The following ASIC5 variants were observed in gnomAD, a reference collection of about 807,000 sequenced individuals.
The protein encoded by ASIC5 is acid sensing ion channel subunit family member 5.
In ASIC5, 52 loss-of-function variants were observed where a neutral mutation model predicts 51.2. The observed-to-expected ratio is 1.02, with a 90% CI of 0.81 to 1.28. The LOEUF is 1.28. Among genes scored for constraint, ASIC5 ranks in the 50% most tolerant of loss-of-function variants. The pLI, the probability that ASIC5 is intolerant of heterozygous loss-of-function variation, is 0.00. For synonymous variants in ASIC5, 231 were observed against 200.7 expected (o/e 1.15, Z -1.28); for missense variants, 635 against 595.0 (o/e 1.07, Z -0.70).
chr4:155,865,801 C>T (rs1741847753), intron 1 of ASIC5, among the ~76,000 whole-genome samples: 1 of 152,082 alleles, frequency 6.6e-6, no homozygotes, highest in Non-Finnish European at 1.5e-5. Flanking sequence ...GGAGTATATA[C>T]AGTGTCATTA....
At position 155,852,136 on chromosome 4, in the gene ASIC5, T is replaced by G. The variant is rs926729773; in HGVS notation, c.711+55A>C. The G allele has an allele frequency of 2.5e-6, 4 of 1,599,512 alleles. No homozygotes were observed. In the African/African-American group the frequency reaches 5.4e-5, roughly 22 times the overall value. ...GATATGGCCCAATAGTCTGATCAAG[T>G]TTTTGAAACCCCCACACATTCTCGT... On this transcript the variant is annotated intron_variant, in intron 4 of 9. Transcript: ENST00000537611.
intron 2 of ASIC5, among the ~76,000 whole-genome samples, chr4:155,860,655 A>T (rs947817146): frequency 4.5e-4 from 69 of 152,000 alleles, no homozygotes; most frequent in African/African-American, 1.5e-3. Flanking sequence ...CTGTTCTATC[A>T]TTATAGCCTC....
Position 155,831,911 on chromosome 4 carries a change from T to A in ASIC5, c.1240A>T (p.Asn414Tyr), listed in dbSNP as rs1358473976. The part of the protein sequence containing the change: ...LNQSRKYIRE[N>Y]LVKIEINYSD... ...TAGTTAATTTCAATTTTTACAAGAT[T>A]CTCCCTAGGGATAAAAAAGAGAGTT... Residue 414 changes from asparagine (N) to tyrosine (Y), a missense_variant, in exon 9 of 10, where the codon AAT becomes TAT. Transcript: ENST00000537611. 2 of 1,530,600 alleles carry A rather than the reference T, an allele frequency of 1.3e-6. No individual in the cohort carries two copies. Among genetic ancestry groups the A allele is most frequent in the Non-Finnish European group, 1.8e-6 (2 of 1,107,358 alleles). 94.8% of individuals were successfully genotyped at this position (1,530,600 alleles called of 1,614,324 possible).
chr4:155,841,066 C>T (rs72974479), intron 6 of ASIC5, among the ~76,000 whole-genome samples: 15,326 of 152,110 alleles, frequency 0.1, 1,250 homozygotes, highest in African/African-American at 0.22. Context: ...AAACTCTTAT[C>T]TCCGAATACT....
intron 7 of ASIC5, among the ~76,000 whole-genome samples, chr4:155,837,969 C>A (rs1477621833): frequency 6.6e-6 from 1 of 152,108 alleles, no homozygotes. Flanking sequence ...CTGAAGAAAT[C>A]TGGCAACATC....
chr4:155,845,748 A>G (rs1741225638), intron 4 of ASIC5, among the ~76,000 whole-genome samples: 1 of 152,064 alleles, frequency 6.6e-6, no homozygotes, highest in African/African-American at 2.4e-5. Flanking sequence ...GGCTCAAAGA[A>G]AAATAAAAGC....
intron 4 of ASIC5, 106 bp downstream of exon 4, chr4:155,852,085 T>A: frequency 7.9e-7 from 1 of 1,272,918 alleles, no homozygotes; most frequent in Non-Finnish European, 1.1e-6. Context: ...AAAACTGAAA[T>A]AATATCCAAT....
At chr4:155,866,158 C>G in intron 1 of ASIC5, 29 bp downstream of exon 1, 1 of 1,441,422 alleles carries the variant, frequency 6.9e-7, no homozygotes, top group Non-Finnish European at 9.6e-7. Flanking sequence ...AAAAATATTA[C>G]TGCTCTGAGG....
intron 7 of ASIC5, 116 bp downstream of exon 7, chr4:155,838,697 C>T (rs978084837): frequency 4.9e-6 from 3 of 617,660 alleles, no homozygotes; most frequent in African/African-American, 3.8e-5. Context: ...AAGATCTTCT[C>T]TTATATACTA....
intron 2 of ASIC5, among the ~76,000 whole-genome samples, chr4:155,860,263 T>A (rs946624199): frequency 6.6e-6 from 1 of 151,834 alleles, no homozygotes; most frequent in African/African-American, 2.4e-5. Context: ...ATAATACTTA[T>A]GTTTGTGATA....
chr4:155,852,114 A>C, intron 4 of ASIC5, 77 bp downstream of exon 4: 9 of 1,452,982 alleles, frequency 6.2e-6, no homozygotes, highest in African/African-American at 1.4e-5. Flanking sequence ...ACTATCTGAT[A>C]TGGCCCAATA....
chr4:155,851,781 T>C (rs1741386623), intron 4 of ASIC5, among the ~76,000 whole-genome samples: 1 of 152,042 alleles, frequency 6.6e-6, no homozygotes, highest in Admixed American at 6.6e-5. Context: ...TTTCCAGATA[T>C]GCATTCTATA....
intron 8 of ASIC5, among the ~76,000 whole-genome samples, chr4:155,834,661 G>GC (rs1360223198): frequency 2.0e-5 from 3 of 152,062 alleles, no homozygotes; most frequent in Non-Finnish European, 4.4e-5. Flanking sequence ...CGGTTCCCTG[G>GC]CAAAGGCCCA....
Position 155,836,702 on chromosome 4 carries a change from G to C in ASIC5, c.1222C>G (p.Arg408Gly), listed in dbSNP as rs143910392. 3.3e-5 allele frequency: 53 copies of C among 1,605,950 alleles called. No individual in the cohort carries two copies. The highest frequency in any genetic ancestry group is 4.5e-5 in the Non-Finnish European group (53 of 1,174,378). The change falls in exon 8 of 10, where the codon CGG becomes GGG. Residue 408 changes from arginine (R) to glycine (G), a missense_variant. Transcript: ENST00000537611. Reference sequence around the variant, plus strand: ...TAGTAAGGTTACCTGATGTATTTCCGGCTTTGATTCAACTTCTTGGAAAGA... The same window carrying C: ...TAGTAAGGTTACCTGATGTATTTCCCGCTTTGATTCAACTTCTTGGAAAGA... ...KYLSKKLNQSRKYIRENLVKI... is the reference protein window; with the variant it reads ...KYLSKKLNQSGKYIRENLVKI...
chr4:155,841,629 T>G (rs1027393324), intron 6 of ASIC5, among the ~76,000 whole-genome samples: 1 of 152,122 alleles, frequency 6.6e-6, no homozygotes, highest in Non-Finnish European at 1.5e-5. Context: ...CCAAAGAAAA[T>G]AACTTTTCAA....
intron 7 of ASIC5, among the ~76,000 whole-genome samples, chr4:155,838,291 G>C (rs1741035039): frequency 6.6e-6 from 1 of 151,690 alleles, no homozygotes; most frequent in Non-Finnish European, 1.5e-5. Flanking sequence ...TGCAGGTTAA[G>C]GTAAGAGGTG....
rs1741438233 is a variant in ASIC5 at position 155,853,535 on chromosome 4, G to A, written c.585+542C>T. ...TTTGTTATGTATTTGTTTTGTATTTGTTATGAGTGAATGTTTATTATATAT... is the reference window on the plus strand; with the variant it reads ...TTTGTTATGTATTTGTTTTGTATTTATTATGAGTGAATGTTTATTATATAT... On this transcript the variant is annotated intron_variant, in intron 3 of 9. Transcript: ENST00000537611. Among the ~76,000 whole-genome samples the A allele has an allele frequency of 6.8e-5, 10 of 147,722 alleles. No homozygotes were observed. The South Asian group carries it at 2.1e-3, about 31-fold the overall frequency.
chr4:155,841,194 GC>G (rs1741111558), intron 6 of ASIC5, among the ~76,000 whole-genome samples: 1 of 152,148 alleles, frequency 6.6e-6, no homozygotes, highest in Non-Finnish European at 1.5e-5. Context: ...TGTCTAGGCA[GC>G]AGGCATGGTG....
At chr4:155,840,224 C>T (rs11100013) in intron 6 of ASIC5, among the ~76,000 whole-genome samples, 110,180 of 151,532 alleles carry the variant, frequency 0.73, 43,203 homozygotes, top group Non-Finnish European at 0.87. Flanking sequence ...ATTCAGACTT[C>T]TTTCCAGCAA....
Sources: gnomAD v4.1 joint callset for allele counts (sites outside exome capture counted in the v4.1 genomes callset) on GRCh38, gnomAD v4.1.1 for gene constraint, MANE v1.5 for transcripts, NCBI Gene and HGNC (gene_info 2026-07-23, HGNC 2026-07-21) for gene names.